The following RILPL1 variants were observed in gnomAD, a reference collection of about 807,000 sequenced individuals.
RILPL1 encodes the protein RILP-like protein 1.
RILPL1 carries 33 observed loss-of-function variants against 50.3 expected under a neutral mutation model. The observed-to-expected ratio is 0.66, with a 90% CI of 0.50 to 0.88. The LOEUF (loss-of-function observed/expected upper bound fraction) is 0.88. Among genes scored for constraint, RILPL1 ranks in the 40% least tolerant of loss-of-function variants. The pLI, the probability that RILPL1 is intolerant of heterozygous loss-of-function variation, is 0.00. For synonymous variants in RILPL1, 205 were observed against 228.6 expected (o/e 0.90, Z 0.93); for missense variants, 418 against 542.5 (o/e 0.77, Z 2.28).
At chr12:123,508,066 G>C (rs1883864642) in intron 2 of RILPL1, among the ~76,000 whole-genome samples, 1 of 151,672 alleles carries the variant, frequency 6.6e-6, no homozygotes, top group Admixed American at 6.6e-5. Context: ...TCAGACAGTA[G>C]TGATAGTTGG....
Position 123,485,776 on chromosome 12 carries a change from G to A in RILPL1, c.831C>T (p.Ser277=), listed in dbSNP as rs758998790. Residue 277 remains serine (S), a synonymous_variant, in exon 5 of 7, where the codon TCC becomes TCT. Transcript: ENST00000376874. This position sits in a 1 kb window ranked among gnomAD's most constrained non-coding sequence, Gnocchi z 4.0. ...ETEPVGEESI[S]DAEKVAMDLK... is the part of the protein sequence containing the mutation. ...GATCCATGGCCACCTTCTCTGCGTC[G>A]GAGATGCTCTCCTCTCCCACCGGCT... 1.1e-5 allele frequency: 17 copies of A among 1,610,072 alleles called. No homozygotes were observed. Among genetic ancestry groups the A allele is most frequent in the Admixed American group, 5.1e-5 (3 of 59,256 alleles).
chr12:123,472,691 G>A lies in RILPL1; in HGVS notation c.1068-9C>T. 3 of 1,592,122 alleles carry A rather than the reference G, an allele frequency of 1.9e-6. No individual in the cohort carries two copies. The highest frequency in any genetic ancestry group is 2.3e-5 in the South Asian group (2 of 87,352). On this transcript the variant is annotated splice_polypyrimidine_tract_variant and intron_variant, in intron 6 of 6. Transcript: ENST00000376874. ...GGGAGAAGAAGCTAAACCTTTGGAA[G>A]GGAAAGCAAACACAGAAATGAGAGC...
intron 6 of RILPL1, chr12:123,473,614 C>G (rs1002784575): frequency 3.9e-5 from 6 of 151,952 alleles, no homozygotes; most frequent in Non-Finnish European, 5.9e-5. Flanking sequence ...AAAAATAGAT[C>G]TAATGGTGAA....
chr12:123,502,036 T>TA (rs1345845993), intron 2 of RILPL1, among the ~76,000 whole-genome samples: 1 of 137,680 alleles, frequency 7.3e-6, no homozygotes, highest in Admixed American at 7.8e-5. Context: ...GCTGAGATCA[T>TA]ACCCCTGTAC....
At chr12:123,494,707 C>T (rs1268316927) in intron 4 of RILPL1, among the ~76,000 whole-genome samples, 2 of 152,166 alleles carry the variant, frequency 1.3e-5, no homozygotes, top group African/African-American at 2.4e-5. Flanking sequence ...AGCTTCCTTC[C>T]CACTGTCATA....
At chr12:123,496,196 T>C (rs1268469861) in intron 4 of RILPL1, among the ~76,000 whole-genome samples, 1 of 151,898 alleles carries the variant, frequency 6.6e-6, no homozygotes, top group African/African-American at 2.4e-5. Flanking sequence ...GTATTTTTAG[T>C]AGAGATGGGG....
At chr12:123,480,921 T>A (rs1881941507) in intron 6 of RILPL1, among the ~76,000 whole-genome samples, 1 of 151,236 alleles carries the variant, frequency 6.6e-6, no homozygotes, top group African/African-American at 2.4e-5. Context: ...GGGTGAGGAG[T>A]CACAGACCCG....
intron 2 of RILPL1, among the ~76,000 whole-genome samples, chr12:123,516,638 C>T (rs975672329): frequency 1.3e-5 from 2 of 152,144 alleles, no homozygotes; most frequent in African/African-American, 4.8e-5. Flanking sequence ...GTAATCCCAG[C>T]GACCCAGAAC....
rs150481432 is a variant in RILPL1 at position 123,520,541 on chromosome 12, G to A, written c.460+2954C>T. ...GCCACTGCATTACAGCCTGGTCGAC[G>A]GAGTGAGACTCCGTCTCAAAACAAA... On this transcript the variant is annotated intron_variant, in intron 2 of 6. Transcript: ENST00000376874. 1.7e-3 allele frequency among the ~76,000 whole-genome samples: 265 copies of A among 152,228 alleles called. 2 individuals are homozygous for A. Among genetic ancestry groups the A allele is most frequent in the Admixed American group, 9.0e-3 (138 of 15,292 alleles).
Position 123,533,151 on chromosome 12 carries a change from G to T in RILPL1, c.309+23C>A. On this transcript the variant is annotated intron_variant, in intron 1 of 6. Transcript: ENST00000376874. This position sits in a 1 kb window ranked among gnomAD's most constrained non-coding sequence, Gnocchi z 6.2. Reference sequence around the variant, plus strand: ...TCCCCGCGGTCCCACTGCCCGGACGGACAGACCGAGGCCGCCGCCCACCTT... The same window carrying T: ...TCCCCGCGGTCCCACTGCCCGGACGTACAGACCGAGGCCGCCGCCCACCTT... The T allele has an allele frequency of 6.6e-7, 1 of 1,511,654 alleles. No individual in the cohort carries two copies. The highest frequency in any genetic ancestry group is 8.8e-7 in the Non-Finnish European group (1 of 1,130,304). The allele number at this position is 1,511,654 out of a possible 1,614,324, so 93.6% of individuals were successfully genotyped here. A position where few individuals can be genotyped will look rare whatever the true frequency, so the allele number is the denominator to read the frequency against.
At chr12:123,492,916 T>G (rs903141489) in intron 4 of RILPL1, among the ~76,000 whole-genome samples, 1 of 152,164 alleles carries the variant, frequency 6.6e-6, no homozygotes, top group Non-Finnish European at 1.5e-5. Flanking sequence ...CCACAGGGAC[T>G]TCTGCCTAGG....
chr12:123,475,869 G>T (rs1686137654), intron 6 of RILPL1: 8 of 594,796 alleles, frequency 1.3e-5, no homozygotes, highest in East Asian at 2.9e-5. Context: ...CGGTTGAATT[G>T]TGTCACCTGC....
At chr12:123,528,673 C>T (rs143928387) in intron 1 of RILPL1, among the ~76,000 whole-genome samples, 8,064 of 152,118 alleles carry the variant, frequency 0.053, 275 homozygotes, top group Non-Finnish European at 0.083. Context: ...GTGATCCGCC[C>T]GCTTCAGCCT....
rs570879721 is a variant in RILPL1 at position 123,527,530 on chromosome 12, A to C, written c.310-3885T>G. On this transcript the variant is annotated intron_variant, in intron 1 of 6. Coordinates refer to ENST00000376874, the MANE Select transcript of RILPL1 (RefSeq NM_178314.5). ...CGTGCACCTGAAATCCTAGCTACTC[A>C]GCAGGCTGAGGCATGAGAATCACTT... Among the ~76,000 whole-genome samples, 583 of 152,070 alleles carry C rather than the reference A, an allele frequency of 3.8e-3. 1 individual carries two copies. Among genetic ancestry groups the C allele is most frequent in the Admixed American group, 8.7e-3 (133 of 15,256 alleles).
At chr12:123,529,790 C>G (rs1885384982) in intron 1 of RILPL1, among the ~76,000 whole-genome samples, 1 of 149,062 alleles carries the variant, frequency 6.7e-6, no homozygotes, top group Non-Finnish European at 1.5e-5. Flanking sequence ...AGGAGGATCA[C>G]TTGAATCCAG....
chr12:123,484,377 T>C, intron 5 of RILPL1, 105 bp from the exon 6 acceptor site: 1 of 780,274 alleles, frequency 1.3e-6, no homozygotes, highest in Non-Finnish European at 2.2e-6. Context: ...GCATGCTTTT[T>C]AGGGGACCCG....
At chr12:123,493,580 C>G (rs968884660) in intron 4 of RILPL1, among the ~76,000 whole-genome samples, 1 of 152,102 alleles carries the variant, frequency 6.6e-6, no homozygotes, top group Non-Finnish European at 1.5e-5. Context: ...TTCAATGAGA[C>G]AGATTCCTTT....
At position 123,498,561 on chromosome 12, in the gene RILPL1, C is replaced by T. The variant is rs370896658; in HGVS notation, c.784G>A (p.Gly262Arg). The T allele has an allele frequency of 3.1e-6, 5 of 1,613,390 alleles. No individual in the cohort carries two copies. The highest frequency in any genetic ancestry group is 4.2e-6 in the Non-Finnish European group (5 of 1,179,876). The part of the protein sequence containing the change: ...ERLQGEHSQN[G>R]EEEPETEPVG... ...CTGCTCACCTCAGGCTCCTCCTCCC[C>T]ATTCTGGCTGTGCTCCCCCTGCAGC... The change falls in exon 4 of 7, where the codon GGG becomes AGG. Residue 262 changes from glycine to arginine, a missense_variant. Physicochemically the swap from Gly to Arg is moderately radical, Grantham distance 125. Coordinates refer to ENST00000376874, the MANE Select transcript of RILPL1 (RefSeq NM_178314.5). This position sits in a 1 kb window ranked among gnomAD's most constrained non-coding sequence, Gnocchi z 4.3.
chr12:123,472,462 A>T lies in RILPL1; in HGVS notation c.*76T>A, dbSNP rs1196613994. The T allele has an allele frequency of 6.7e-7, 1 of 1,500,474 alleles. No individual in the cohort carries two copies. Among genetic ancestry groups the T allele is most frequent in the African/African-American group, 1.4e-5 (1 of 71,848 alleles). 92.9% of individuals were successfully genotyped at this position (1,500,474 alleles called of 1,614,324 possible). On this transcript the variant is annotated 3_prime_UTR_variant, in exon 7 of 7. Coordinates refer to ENST00000376874, the MANE Select transcript of RILPL1 (RefSeq NM_178314.5). Reference sequence around the variant, plus strand: ...CTGCACCGAGAGGCTTGAGGCAGCAATGACCCCTGGGCTGCAGTTCGGTTG... The same window carrying T: ...CTGCACCGAGAGGCTTGAGGCAGCATTGACCCCTGGGCTGCAGTTCGGTTG...
Sources: gnomAD v4.1 joint callset for allele counts (sites outside exome capture counted in the v4.1 genomes callset) on GRCh38, gnomAD v4.1.1 for gene constraint, Gnocchi (gnomAD v3.1) non-coding constraint, MANE v1.5 for transcripts, NCBI Gene and HGNC (gene_info 2026-07-23, HGNC 2026-07-21) for gene names.